The following COX10 variants were observed in gnomAD, a reference collection of about 807,000 sequenced individuals.
The protein encoded by COX10 is cytochrome c oxidase assembly factor heme A:farnesyltransferase COX10, also known as protoheme IX farnesyltransferase, mitochondrial.
Under a neutral mutation model 37.3 loss-of-function variants are expected in COX10, and 27 were observed. That is an observed-to-expected ratio of 0.72 (90% CI 0.53 to 1.00). COX10 has a LOEUF of 1.00. Ranked by LOEUF, COX10 falls within the 50% of genes least tolerant of loss-of-function variation. COX10 has a pLI of 0.00. For missense variants in COX10, 475 were observed against 563.2 expected (o/e 0.84, Z 1.59); for synonymous variants, 222 against 229.1 (o/e 0.97, Z 0.28).
intron 5 of COX10, among the ~76,000 whole-genome samples, chr17:14,167,928 A>G (rs1458764812): frequency 6.6e-6 from 1 of 152,164 alleles, no homozygotes; most frequent in African/African-American, 2.4e-5. Flanking sequence ...ACATTTCAAA[A>G]CACAATCATG....
chr17:14,125,509 T>A (rs991637815), intron 4 of COX10, among the ~76,000 whole-genome samples: 2 of 152,186 alleles, frequency 1.3e-5, no homozygotes, highest in East Asian at 3.8e-4. Flanking sequence ...AGCCAGACGA[T>A]GAAATGCAGC....
chr17:14,164,760 C>T (rs1905241282), intron 5 of COX10, among the ~76,000 whole-genome samples: 1 of 152,142 alleles, frequency 6.6e-6, no homozygotes, highest in South Asian at 2.1e-4. Flanking sequence ...AGCCCTTCGC[C>T]AGACATTATA....
At chr17:14,153,571 A>G (rs1276546204) in intron 4 of COX10, among the ~76,000 whole-genome samples, 5 of 152,174 alleles carry the variant, frequency 3.3e-5, no homozygotes, top group East Asian at 3.9e-4. Flanking sequence ...GCCAGTCCCT[A>G]TTCTCTTTGT....
intron 3 of COX10, among the ~76,000 whole-genome samples, chr17:14,081,868 A>G (rs1915302656): frequency 6.6e-6 from 1 of 152,170 alleles, no homozygotes; most frequent in Non-Finnish European, 1.5e-5. Flanking sequence ...GAAAAACTAG[A>G]TGAATGGTGG....
chr17:14,103,381 A>G (rs1915829480), intron 4 of COX10, among the ~76,000 whole-genome samples: 2 of 152,088 alleles, frequency 1.3e-5, no homozygotes, highest in South Asian at 4.1e-4. Flanking sequence ...AAAAGTTACT[A>G]CCTCTATTTG....
At chr17:14,078,223 C>T (rs375260359) in intron 3 of COX10, among the ~76,000 whole-genome samples, 2 of 152,056 alleles carry the variant, frequency 1.3e-5, no homozygotes, top group East Asian at 3.9e-4. Flanking sequence ...TTGTCATTTA[C>T]ACAAGTGGCC....
intron 3 of COX10, among the ~76,000 whole-genome samples, chr17:14,085,253 T>A (rs1915384297): frequency 6.6e-6 from 1 of 152,224 alleles, no homozygotes; most frequent in Non-Finnish European, 1.5e-5. Context: ...GGTTAGTTAT[T>A]ATTACGTTAG....
At chr17:14,082,828 C>A (rs1387211310) in intron 3 of COX10, among the ~76,000 whole-genome samples, 1 of 152,128 alleles carries the variant, frequency 6.6e-6, no homozygotes, top group Non-Finnish European at 1.5e-5. Context: ...GATTCAGTTC[C>A]CCTAGGGCTG....
chr17:14,168,865 A>G (rs1191941945), intron 5 of COX10, among the ~76,000 whole-genome samples: 1 of 152,224 alleles, frequency 6.6e-6, no homozygotes, highest in East Asian at 1.9e-4. Flanking sequence ...GATCTCTAGA[A>G]TGCTCTGGAG....
intron 4 of COX10, among the ~76,000 whole-genome samples, chr17:14,146,178 A>T (rs139551068): frequency 0.012 from 1,844 of 152,284 alleles, 13 homozygotes; most frequent in Middle Eastern, 0.044. Flanking sequence ...AAGCAAAAAG[A>T]ACAAAACTAG....
intron 4 of COX10, among the ~76,000 whole-genome samples, chr17:14,157,474 T>C (rs910342419): frequency 6.6e-6 from 1 of 152,232 alleles, no homozygotes; most frequent in Non-Finnish European, 1.5e-5. Flanking sequence ...ATTGCACACA[T>C]ATGCAGATGC....
intron 5 of COX10, among the ~76,000 whole-genome samples, chr17:14,189,288 A>G (rs764035970): frequency 5.3e-5 from 8 of 152,066 alleles, no homozygotes; most frequent in African/African-American, 1.4e-4. Context: ...TGTTGTTTCT[A>G]CTGTTAACCA....
At chr17:14,176,005 C>A (rs1905676788) in intron 5 of COX10, among the ~76,000 whole-genome samples, 1 of 152,154 alleles carries the variant, frequency 6.6e-6, no homozygotes, top group African/African-American at 2.4e-5. Context: ...ACAAATGGGG[C>A]TGGTGTGATC....
intron 4 of COX10, among the ~76,000 whole-genome samples, chr17:14,139,173 G>T (rs1904469327): frequency 1.3e-5 from 2 of 152,156 alleles, no homozygotes; most frequent in South Asian, 4.1e-4. Flanking sequence ...TTTATAAAAA[G>T]TAAGTTGGTG....
At chr17:14,076,174 G>A (rs1037201125) in intron 2 of COX10, among the ~76,000 whole-genome samples, 6 of 126,032 alleles carry the variant, frequency 4.8e-5, no homozygotes, top group Admixed American at 3.1e-4. Flanking sequence ...GGAGTACAAC[G>A]GTGCAATCAC....
chr17:14,127,918 A>AGTGTGT (rs1183412636), intron 4 of COX10, among the ~76,000 whole-genome samples: 1 of 115,454 alleles, frequency 8.7e-6, no homozygotes, highest in Non-Finnish European at 1.8e-5. Flanking sequence ...AATCTTTAAG[A>AGTGTGT]GTGTGTGTAT....
rs1348769671 is a variant in COX10 at position 14,138,126 on chromosome 17, A to G, written c.625-21751A>G. ...ACAAAGGGAATAGTGTCACTCAGCT[A>G]TAATATATTGGCTTGTAGCTCTTGA... On this transcript the variant is annotated intron_variant, in intron 4 of 6. Transcript: ENST00000261643. Among the ~76,000 whole-genome samples, 3 of 152,132 alleles carry G rather than the reference A, an allele frequency of 2.0e-5. No individual in the cohort carries two copies. The East Asian group carries it at 5.8e-4, about 29-fold the overall frequency.
intron 6 of COX10, among the ~76,000 whole-genome samples, chr17:14,193,680 T>C (rs967928243): frequency 2.7e-5 from 4 of 147,066 alleles, no homozygotes; most frequent in East Asian, 2.0e-4. Context: ...TCCTGGTTTA[T>C]AGTTGACCTT....
intron 3 of COX10, among the ~76,000 whole-genome samples, chr17:14,088,279 T>C (rs79282778): frequency 0.027 from 4,077 of 152,318 alleles, 103 homozygotes; most frequent in African/African-American, 0.073. Context: ...TCATCTGTGC[T>C]ATATTTAACA....
Sources: allele counts gnomAD v4.1 joint callset (sites outside exome capture counted in the v4.1 genomes callset), GRCh38; gene constraint gnomAD v4.1.1; transcripts MANE v1.5; gene names NCBI Gene and HGNC (gene_info 2026-07-23, HGNC 2026-07-21).